Variants in RUVBL1 observed in about 807,000 individuals in gnomAD.
RUVBL1 encodes ruvB-like 1.
RUVBL1 carries 4 observed loss-of-function variants against 52.4 expected under a neutral mutation model. The ratio of observed to expected loss-of-function variants is 0.08; its 90% CI spans 0.04 to 0.17. RUVBL1 has a LOEUF of 0.17. Ranked by LOEUF, RUVBL1 falls within the 10% of genes least tolerant of loss-of-function variation. RUVBL1 has a pLI of 1.00. For missense variants in RUVBL1, 298 were observed against 572.8 expected, an observed-to-expected ratio of 0.52 and a Z score of 4.90; for synonymous variants, 217 against 214.4, an observed-to-expected ratio of 1.01 and a Z score of -0.10.
chr3:128,077,694 G>T (rs115552902), downstream of RUVBL1, among the ~76,000 whole-genome samples: 51 of 152,348 alleles, frequency 3.3e-4, no homozygotes, highest in Non-Finnish European at 4.7e-4. Context: ...TGGGCTGTGT[G>T]GCCCTGAGCC....
chr3:128,128,173 G>A (rs1943824038), upstream of RUVBL1, among the ~76,000 whole-genome samples: 1 of 152,048 alleles, frequency 6.6e-6, no homozygotes, highest in Non-Finnish European at 1.5e-5. Flanking sequence ...TTTTTGTAAA[G>A]ACAGGGGTCT....
chr3:128,073,919 G>A (rs1942239318), intron 9 of RUVBL1, among the ~76,000 whole-genome samples: 1 of 152,206 alleles, frequency 6.6e-6, no homozygotes, highest in South Asian at 2.1e-4. Context: ...TTTATATGTT[G>A]AGTTAGAAGA....
chr3:128,150,712 CTATATAT>C (rs1944175357), intron 1 of RUVBL1, among the ~76,000 whole-genome samples: 1 of 113,254 alleles, frequency 8.8e-6, no homozygotes, highest in African/African-American at 3.5e-5. Flanking sequence ...TATATATATT[CTATATAT>C]TATATATTCT....
chr3:128,099,733 G>A (rs139480795), intron 6 of RUVBL1, among the ~76,000 whole-genome samples: 1 of 152,358 alleles, frequency 6.6e-6, no homozygotes, highest in Non-Finnish European at 1.5e-5. Context: ...GCTAAAGGCA[G>A]CAAATGTTTC....
In RUVBL1 at chr3:128,081,370, A is replaced by C. The variant is rs1192784673; in HGVS notation, c.1251T>G (p.Ala417=). 6.2e-6 allele frequency: 10 copies of C among 1,614,174 alleles called. No individual in the cohort carries two copies. The highest frequency in any genetic ancestry group is 5.9e-6 in the Non-Finnish European group (7 of 1,180,006). ...VQLLTPANLL[A]KINGKDSIEK... is the part of the protein sequence containing the mutation. ...CAATGCTGTCCTTCCCGTTGATTTT[A>C]GCAAGCAAGTTGGCCGGGGTCAGCA... Residue 417 remains alanine (A), a synonymous_variant, in exon 11 of 11, where the codon GCT becomes GCG. Coordinates refer to ENST00000322623, the MANE Select transcript of RUVBL1 (RefSeq NM_003707.3). The surrounding 1 kb of genome is among the most constrained non-coding windows in gnomAD (Gnocchi z 4.8).
At chr3:128,069,616 T>C in intron 9 of RUVBL1, 1 of 1,614,134 alleles carries the variant, frequency 6.2e-7, no homozygotes, top group Non-Finnish European at 8.5e-7. Flanking sequence ...GAGATCTTCG[T>C]TAAGGAGCAA....
At chr3:128,096,606 C>T (rs1387073006) in intron 8 of RUVBL1, among the ~76,000 whole-genome samples, 1 of 152,018 alleles carries the variant, frequency 6.6e-6, no homozygotes, top group Non-Finnish European at 1.5e-5. Context: ...GCGGGCAGAT[C>T]ACGAGGTCAG....
chr3:128,150,984 C>A (rs139968347), intron 1 of RUVBL1, among the ~76,000 whole-genome samples: 3,695 of 67,070 alleles, frequency 0.055, 89 homozygotes, highest in Non-Finnish European at 0.075. Flanking sequence ...ATTATATATT[C>A]TATATATATT....
chr3:128,092,277 A>G lies in RUVBL1; in HGVS notation c.1017-4469T>C, dbSNP rs142274753. ...CTTAGGAGAAAACACAAGCATAAAC[A>G]TTTGTGATTTTAGATTAGGCAATGG... On this transcript the variant is annotated intron_variant, in intron 8 of 10. Transcript: ENST00000322623. Among the ~76,000 whole-genome samples the G allele has an allele frequency of 2.0e-3, 311 of 152,314 alleles. 2 individuals are homozygous for G. Among genetic ancestry groups the G allele is most frequent in the African/African-American group, 6.7e-3 (280 of 41,566 alleles).
intron 7 of RUVBL1, among the ~76,000 whole-genome samples, chr3:128,098,658 C>T (rs1035950433): frequency 2.0e-5 from 3 of 152,136 alleles, no homozygotes; most frequent in Non-Finnish European, 4.4e-5. Context: ...CTCATAGGGG[C>T]CAGAAACTGT....
intron 3 of RUVBL1, among the ~76,000 whole-genome samples, chr3:128,105,865 CTTTTTTTTTTTT>C (rs11311563): frequency 4.5e-5 from 4 of 88,912 alleles, no homozygotes; most frequent in Non-Finnish European, 6.5e-5. Flanking sequence ...TTCCCTTTTT[CTTTTTTTTTTTT>C]TTTTTTTTTT....
chr3:128,135,859 A>G (rs1418343009), intron 1 of RUVBL1, among the ~76,000 whole-genome samples: 4 of 152,260 alleles, frequency 2.6e-5, no homozygotes, highest in Admixed American at 2.0e-4. Flanking sequence ...AGAAGAAAGA[A>G]TAAAAGATGA....
At chr3:128,118,103 GGAA>G (rs1943567900) in intron 2 of RUVBL1, among the ~76,000 whole-genome samples, 1 of 152,088 alleles carries the variant, frequency 6.6e-6, no homozygotes, top group South Asian at 2.1e-4. Context: ...ATTTACTTTA[GGAA>G]GAAGAAAAAT....
chr3:128,075,466 A>T (rs1272009680), intron 9 of RUVBL1, among the ~76,000 whole-genome samples: 1 of 152,218 alleles, frequency 6.6e-6, no homozygotes, highest in Non-Finnish European at 1.5e-5. Context: ...CAAAAAACTA[A>T]GTGTATGCAC....
intron 9 of RUVBL1, chr3:128,068,085 C>G: frequency 3.8e-6 from 6 of 1,588,288 alleles, no homozygotes; most frequent in Non-Finnish European, 5.2e-6. Context: ...AGGTCCCCAA[C>G]CTCCCGTCTG....
chr3:128,083,561 T>G (rs1576441009), intron 9 of RUVBL1: 1 of 152,170 alleles, frequency 6.6e-6, no homozygotes, highest in African/African-American at 2.4e-5. Flanking sequence ...ATGATCGCGG[T>G]TGGGCTTGGG....
At chr3:128,136,532 G>A (rs1943949543) in intron 1 of RUVBL1, among the ~76,000 whole-genome samples, 1 of 151,804 alleles carries the variant, frequency 6.6e-6, no homozygotes, top group Admixed American at 6.6e-5. Context: ...AGGCTCAGGT[G>A]GGAGGAACAC....
intron 1 of RUVBL1, among the ~76,000 whole-genome samples, chr3:128,141,307 G>A (rs889182416): frequency 4.6e-5 from 7 of 152,154 alleles, no homozygotes; most frequent in African/African-American, 1.7e-4. Flanking sequence ...AAATGTCCCA[G>A]GTTCAAATCC....
chr3:128,153,852 C>G, exon 1 of RUVBL1: 1 of 1,474,286 alleles, frequency 6.8e-7, no homozygotes, highest in Non-Finnish European at 8.9e-7. Flanking sequence ...GGGAGCCGGG[C>G]TCAGGGACGC....
Sources: allele counts gnomAD v4.1 joint callset (sites outside exome capture counted in the v4.1 genomes callset), GRCh38; gene constraint gnomAD v4.1.1; non-coding constraint Gnocchi (gnomAD v3.1); transcripts MANE v1.5; gene names NCBI Gene and HGNC (gene_info 2026-07-23, HGNC 2026-07-21).